ARAP3: variants seen among roughly 807,000 people sequenced by gnomAD.
ARAP3 encodes the protein ArfGAP with RhoGAP domain, ankyrin repeat and PH domain 3, also known as arf-GAP with Rho-GAP domain, ANK repeat and PH domain-containing protein 3.
ARAP3 carries 82 observed loss-of-function variants against 169.2 expected under a neutral mutation model. The ratio of observed to expected loss-of-function variants is 0.48; its 90% CI spans 0.41 to 0.58. The LOEUF is 0.58. ARAP3 is among the 20% of genes least tolerant of loss of function. The probability of loss-of-function intolerance (pLI) is 0.00; values close to 1 mark genes in which losing one functional copy is unlikely to be tolerated. For missense variants in ARAP3, 1,764 were observed against 2,018.0 expected (o/e 0.87, Z 2.41); for synonymous variants, 791 against 800.3 (o/e 0.99, Z 0.20).
At chr5:141,680,985 C>T (rs1478347378) in intron 1 of ARAP3, among the ~76,000 whole-genome samples, 1 of 152,102 alleles carries the variant, frequency 6.6e-6, no homozygotes, top group African/African-American at 2.4e-5. Flanking sequence ...GTGCAGACGC[C>T]CCCTCCCTCT....
chr5:141,655,215 C>CACACACACACACACA, intron 32 of ARAP3, 147 bp downstream of exon 32: 1 of 400,260 alleles, frequency 2.5e-6, no homozygotes, highest in Non-Finnish European at 4.2e-6. Context: ...ACACACACAC[C>CACACACACACACACA]CTGATGGCCT....
At position 141,672,854 on chromosome 5, in the gene ARAP3, G is replaced by T; in HGVS notation, c.1165C>A (p.Pro389Thr). ...CGGAGGGGTCGGGGTGGTTGGGGGG[G>T]CCGGGGGTGGCCCAGGAGGCGCTGC... is the stretch of plus-strand genomic sequence containing the variant. ...KEQRLLGHPR[P>T]PQPPRPLRTG... The change falls in exon 8 of 33, where the codon CCC (proline) becomes ACC (threonine). Residue 389 changes from proline to threonine, a missense_variant. Around this residue, in one of 3 missense-constraint regions of ARAP3, gnomAD observed 630 missense variants for 678.7 expected, o/e 0.93. Transcript: ENST00000239440. This position sits in a 1 kb window ranked among gnomAD's most constrained non-coding sequence, Gnocchi z 4.9. 2 of 1,605,904 alleles carry T rather than the reference G, an allele frequency of 1.2e-6. No individual in the cohort carries two copies. The highest frequency in any genetic ancestry group is 1.7e-6 in the Non-Finnish European group (2 of 1,176,184).
intron 17 of ARAP3, among the ~76,000 whole-genome samples, chr5:141,665,628 A>T (rs1220548956): frequency 6.6e-6 from 1 of 152,174 alleles, no homozygotes; most frequent in Non-Finnish European, 1.5e-5. Context: ...CTTGTTTCCA[A>T]AGTCCTAAAA....
intron 4 of ARAP3, among the ~76,000 whole-genome samples, chr5:141,674,580 G>C (rs11958815): frequency 0.11 from 16,634 of 152,158 alleles, 2,336 homozygotes; most frequent in African/African-American, 0.33. Flanking sequence ...TCAAACAGGG[G>C]AATAGGGAGG....
rs2154599087 is a variant in ARAP3 at position 141,672,235 on chromosome 5, C to T, written c.1452G>A (p.Glu484=). 1 of 1,614,240 alleles carries T rather than the reference C, an allele frequency of 6.2e-7. No homozygotes were observed. The highest frequency in any genetic ancestry group is 8.5e-7 in the Non-Finnish European group (1 of 1,180,042). Residue 484 remains glutamate (E), a synonymous_variant, in exon 10 of 33, where the codon GAG becomes GAA. Transcript: ENST00000239440. The surrounding 1 kb of genome is among the most constrained non-coding windows in gnomAD (Gnocchi z 4.9). ...WAAALQEAVT[E]TLSDYEVAEK... is the part of the protein sequence containing the mutation. ...CAGCCACCTCGTAGTCAGACAGGGT[C>T]TCGGTTACTGCTTCCTGCAGAGCGG...
In ARAP3 at chr5:141,655,769, C is replaced by G; in HGVS notation, c.3973-11G>C. On this transcript the variant is annotated splice_polypyrimidine_tract_variant and intron_variant, in intron 30 of 32. Coordinates refer to ENST00000239440, the MANE Select transcript of ARAP3 (RefSeq NM_022481.6). ...CTGCTGGTCATCGTGCTGGTGGGAGCGTGAGGGGTTGGCATCAGTGGGCAT... is the reference window on the plus strand; with the variant it reads ...CTGCTGGTCATCGTGCTGGTGGGAGGGTGAGGGGTTGGCATCAGTGGGCAT... 6.2e-7 allele frequency: 1 copy of G among 1,614,060 alleles called. No homozygotes were observed. Among genetic ancestry groups the G allele is most frequent in the Non-Finnish European group, 8.5e-7 (1 of 1,179,996 alleles).
intron 16 of ARAP3, among the ~76,000 whole-genome samples, chr5:141,668,436 A>C (rs1389739188): frequency 6.6e-6 from 1 of 152,194 alleles, no homozygotes; most frequent in Non-Finnish European, 1.5e-5. Flanking sequence ...TAAAATTACT[A>C]TGTCAAATTG....
intron 14 of ARAP3, 103 bp downstream of exon 14, chr5:141,670,409 C>T: frequency 7.9e-7 from 1 of 1,265,642 alleles, no homozygotes; most frequent in Non-Finnish European, 1.1e-6. Context: ...CAGGCATGGC[C>T]CCACTTTCCC....
intron 23 of ARAP3, 96 bp from the exon 24 acceptor site, chr5:141,658,749 C>T (rs557208863): frequency 1.8e-6 from 2 of 1,115,056 alleles, no homozygotes; most frequent in South Asian, 3.3e-5. Flanking sequence ...AGTGACTCTT[C>T]CAACAAAGGT....
chr5:141,659,498 G>A (rs2099909665), intron 22 of ARAP3, 22 bp from the exon 23 acceptor site: 1 of 1,613,098 alleles, frequency 6.2e-7, no homozygotes, highest in East Asian at 2.2e-5. Context: ...CCAAAAGAGA[G>A]TGTTGGGGTG....
intron 4 of ARAP3, among the ~76,000 whole-genome samples, chr5:141,674,028 A>G (rs986409893): frequency 7.4e-6 from 1 of 135,062 alleles, no homozygotes; most frequent in African/African-American, 2.9e-5. Flanking sequence ...CAATAGCGCA[A>G]TCTCGGCTCA....
chr5:141,674,644 T>C (rs2099911905), intron 4 of ARAP3, among the ~76,000 whole-genome samples: 1 of 152,188 alleles, frequency 6.6e-6, no homozygotes, highest in African/African-American at 2.4e-5. Flanking sequence ...ACTTGGAATT[T>C]TTATTGGGAA....
intron 19 of ARAP3, among the ~76,000 whole-genome samples, chr5:141,663,247 G>C (rs1011430496): frequency 6.6e-6 from 1 of 152,136 alleles, no homozygotes; most frequent in Non-Finnish European, 1.5e-5. Flanking sequence ...AATGTATGCT[G>C]ACTAAACAAT....
In ARAP3 at chr5:141,656,545, GA is replaced by G; in HGVS notation, c.3747del (p.Leu1250CysfsTer37). 1.2e-6 allele frequency: 2 copies of G among 1,612,844 alleles called. No homozygotes were observed. The highest frequency in any genetic ancestry group is 1.7e-6 in the Non-Finnish European group (2 of 1,179,464). On this transcript the variant is annotated frameshift_variant, in exon 27 of 33. Coordinates refer to ENST00000239440, the MANE Select transcript of ARAP3 (RefSeq NM_022481.6). LOFTEE classifies it high-confidence loss of function. ...AGCAGCAGGCAGCGGCCACGCAGCA[GA>G]AAGAACCTCTCCTGGAAGCGGCTTC... ...LLGSRFQERF[F>X]LLRGRCLLLL...
chr5:141,680,214 G>T lies in ARAP3; in HGVS notation c.273C>A (p.Pro91=), dbSNP rs1320434478. ...TCCTGGGCTTCGGCACGGGCTTAGG[G>T]GGCTGGGCTTGCGGGGCTGGGCTGG... ...PSPSPAPQAQ[P]PKPVPKPRTV... Residue 91 remains proline (P), a synonymous_variant, in exon 2 of 33, where the codon CCC becomes CCA. Coordinates refer to ENST00000239440, the MANE Select transcript of ARAP3 (RefSeq NM_022481.6). 6.2e-7 allele frequency: 1 copy of T among 1,613,422 alleles called. No homozygotes were observed. The highest frequency in any genetic ancestry group is 8.5e-7 in the Non-Finnish European group (1 of 1,179,634).
At chr5:141,668,990 C>T (rs1297544889) in intron 16 of ARAP3, among the ~76,000 whole-genome samples, 2 of 152,186 alleles carry the variant, frequency 1.3e-5, no homozygotes, top group Non-Finnish European at 2.9e-5. Context: ...GAAAAGCTGT[C>T]TTAGGATGGG....
intron 16 of ARAP3, among the ~76,000 whole-genome samples, chr5:141,668,882 C>G (rs927456724): frequency 2.0e-5 from 3 of 152,030 alleles, no homozygotes; most frequent in Non-Finnish European, 4.4e-5. Flanking sequence ...TGCAAGGGGT[C>G]AAAGGGGAAC....
chr5:141,679,862 G>A (rs759760595), intron 2 of ARAP3, 40 bp from the exon 3 acceptor site: 7 of 1,609,398 alleles, frequency 4.3e-6, no homozygotes, highest in South Asian at 3.3e-5. Flanking sequence ...GGAGAGAGGA[G>A]GAAGAACAAG....
Position 141,670,531 on chromosome 5 carries a change from G to T in ARAP3, c.2088C>A (p.Pro696=), listed in dbSNP as rs765561386. Residue 696 remains proline (P), a synonymous_variant, in exon 14 of 33, where the codon CCC becomes CCA. Coordinates refer to ENST00000239440, the MANE Select transcript of ARAP3 (RefSeq NM_022481.6). ...SPVSNKAGPS[P]PRRGRDAPPR... ...CCTCACCATCCCGGCCCCTGCGAGG[G>T]GGTGAGGGTCCAGCTTTGTTGCTGA... 6.2e-7 allele frequency: 1 copy of T among 1,613,994 alleles called. No individual in the cohort carries two copies. Among genetic ancestry groups the T allele is most frequent in the East Asian group, 2.2e-5 (1 of 44,866 alleles).
Sources: allele counts gnomAD v4.1 joint callset (sites outside exome capture counted in the v4.1 genomes callset), GRCh38; gene constraint gnomAD v4.1.1; regional missense constraint gnomAD v4.1.1; non-coding constraint Gnocchi (gnomAD v3.1); transcripts MANE v1.5; gene names NCBI Gene and HGNC (gene_info 2026-07-23, HGNC 2026-07-21).